Variants in SLC1A1 observed in about 807,000 individuals in gnomAD.
SLC1A1 encodes the protein excitatory amino acid transporter 3.
A neutral mutation model predicts 53.3 loss-of-function variants in SLC1A1; 43 were observed. The observed-to-expected ratio is 0.81, with a 90% CI of 0.63 to 1.04. The LOEUF (loss-of-function observed/expected upper bound fraction) is 1.04. Ranked by LOEUF, SLC1A1 falls within the 50% of genes least tolerant of loss-of-function variation. SLC1A1 has a pLI of 0.00. For synonymous variants in SLC1A1, 307 were observed against 243.2 expected, an observed-to-expected ratio of 1.26 and a Z score of -2.44; for missense variants, 748 against 664.9, an observed-to-expected ratio of 1.12 and a Z score of -1.37.
chr9:4,490,653 G>A lies in SLC1A1; in HGVS notation c.-27G>A. On this transcript the variant is annotated 5_prime_UTR_variant, in exon 1 of 12. Coordinates refer to ENST00000262352, the MANE Select transcript of SLC1A1 (RefSeq NM_004170.6). Reference sequence around the variant, plus strand: ...GCCCAGCCCACGCGCGCACGGCCGAGCCCAGCGCACAATAGCGGCGACAGC... The same window carrying A: ...GCCCAGCCCACGCGCGCACGGCCGAACCCAGCGCACAATAGCGGCGACAGC... 1 of 1,604,180 alleles carries A rather than the reference G, an allele frequency of 6.2e-7. No homozygotes were observed. Among genetic ancestry groups the A allele is most frequent in the South Asian group, 1.1e-5 (1 of 90,706 alleles).
intron 1 of SLC1A1, among the ~76,000 whole-genome samples, chr9:4,530,459 G>A (rs1448806939): frequency 6.6e-6 from 1 of 152,176 alleles, no homozygotes; most frequent in Admixed American, 6.5e-5. Context: ...AGAGATGCTG[G>A]TTTAACACAG....
chr9:4,580,337 T>G (rs1820940277), intron 10 of SLC1A1, among the ~76,000 whole-genome samples: 1 of 152,138 alleles, frequency 6.6e-6, no homozygotes, highest in African/African-American at 2.4e-5. Flanking sequence ...TATCAGCACT[T>G]TAAGAGGCCA....
chr9:4,564,539 T>C lies in SLC1A1; in HGVS notation c.440+81T>C, dbSNP rs950044922. On this transcript the variant is annotated intron_variant, in intron 4 of 11. Transcript: ENST00000262352. ...TTGTATGTGGTTTAATATTCTGCTGTTACTGTATTGAAATTTTTAATAACT... is the reference window on the plus strand; with the variant it reads ...TTGTATGTGGTTTAATATTCTGCTGCTACTGTATTGAAATTTTTAATAACT... 4.5e-4 allele frequency: 375 copies of C among 839,136 alleles called. 4 individuals carry two copies. The highest frequency in any genetic ancestry group is 1.4e-5 in the Non-Finnish European group (7 of 495,024). The allele number at this position is 839,136 out of a possible 1,614,324, so 52.0% of individuals were successfully genotyped here.
chr9:4,524,550 G>A (rs1351094065), intron 1 of SLC1A1, among the ~76,000 whole-genome samples: 1 of 152,144 alleles, frequency 6.6e-6, no homozygotes, highest in African/African-American at 2.4e-5. Context: ...TAGAAGACCT[G>A]AGACTGGGTA....
At chr9:4,499,511 T>C (rs929084444) in intron 1 of SLC1A1, among the ~76,000 whole-genome samples, 12 of 152,336 alleles carry the variant, frequency 7.9e-5, no homozygotes, top group African/African-American at 2.9e-4. Flanking sequence ...AGAATCAGAT[T>C]TGAAGCATCA....
rs1182659537 is a variant in SLC1A1, at chr9:4,561,499, G to A, written c.283G>A (p.Val95Ile). The change falls in exon 3 of 12, where the codon GTC (valine) becomes ATC (isoleucine). Residue 95 changes from valine (V) to isoleucine (I), a missense_variant. By Grantham distance (29) the Val-to-Ile change is conservative. Transcript: ENST00000262352. The part of the protein sequence containing the change: ...NVSGKIGLRA[V>I]VYYFCTTLIA... The stretch of plus-strand genomic sequence containing the variant: ...ATCCGGAAAAATTGGTCTGCGCGCT[G>A]TCGTGTATTATTTCTGTACCACTCT... 8 of 1,609,892 alleles carry A rather than the reference G, an allele frequency of 5.0e-6. No homozygotes were observed. The highest frequency in any genetic ancestry group is 1.3e-5 in the African/African-American group (1 of 74,834).
chr9:4,515,237 C>A (rs904464700), intron 1 of SLC1A1, among the ~76,000 whole-genome samples: 1 of 152,166 alleles, frequency 6.6e-6, no homozygotes, highest in African/African-American at 2.4e-5. Context: ...AGCCTCACTA[C>A]TGCTGCATTT....
chr9:4,532,232 G>A (rs1343630011), intron 1 of SLC1A1, among the ~76,000 whole-genome samples: 1 of 152,142 alleles, frequency 6.6e-6, no homozygotes, highest in African/African-American at 2.4e-5. Flanking sequence ...GACGAGTTGA[G>A]AGAAGAAGGC....
intron 1 of SLC1A1, among the ~76,000 whole-genome samples, chr9:4,507,289 T>G (rs1586695840): frequency 1.3e-5 from 2 of 152,014 alleles, no homozygotes; most frequent in African/African-American, 4.8e-5. Flanking sequence ...CAAGTGTTAC[T>G]GTGCAAAGAT....
chr9:4,509,974 C>T (rs914397672), intron 1 of SLC1A1, among the ~76,000 whole-genome samples: 5 of 152,180 alleles, frequency 3.3e-5, no homozygotes, highest in African/African-American at 1.2e-4. Context: ...GCTGGGATTA[C>T]AGGCATGTGC....
chr9:4,533,761 A>C (rs1816566536), intron 1 of SLC1A1, among the ~76,000 whole-genome samples: 1 of 152,148 alleles, frequency 6.6e-6, no homozygotes, highest in Non-Finnish European at 1.5e-5. Context: ...CAGAATATAC[A>C]TTCTTCTCAG....
Position 4,490,646 on chromosome 9 carries a change from C to A in SLC1A1, c.-34C>A. On this transcript the variant is annotated 5_prime_UTR_variant, in exon 1 of 12. Transcript: ENST00000262352. ...CCGGGTCGCCCAGCCCACGCGCGCACGGCCGAGCCCAGCGCACAATAGCGG... is the reference window on the plus strand; with the variant it reads ...CCGGGTCGCCCAGCCCACGCGCGCAAGGCCGAGCCCAGCGCACAATAGCGG... 2.5e-6 allele frequency: 4 copies of A among 1,586,072 alleles called. No individual in the cohort carries two copies. Among genetic ancestry groups the A allele is most frequent in the Non-Finnish European group, 3.5e-6 (4 of 1,156,914 alleles).
At chr9:4,537,873 A>C (rs1816737995) in intron 1 of SLC1A1, among the ~76,000 whole-genome samples, 1 of 152,186 alleles carries the variant, frequency 6.6e-6, no homozygotes. Flanking sequence ...TTGTATGTTA[A>C]AAACCATGGA....
intron 4 of SLC1A1, 74 bp from the exon 5 acceptor site, chr9:4,565,973 T>C: frequency 9.0e-7 from 1 of 1,110,674 alleles, no homozygotes; most frequent in Admixed American, 1.7e-5. Flanking sequence ...TATACTAATT[T>C]CTACCAATAT....
At chr9:4,503,116 C>A (rs1187076817) in intron 1 of SLC1A1, among the ~76,000 whole-genome samples, 2 of 151,764 alleles carry the variant, frequency 1.3e-5, no homozygotes, top group African/African-American at 2.4e-5. Flanking sequence ...ACATTCTTAA[C>A]CCTTGATTTA....
rs775025071 is a variant in SLC1A1 at position 4,490,705 on chromosome 9, G to A, written c.26G>A (p.Cys9Tyr). The A allele has an allele frequency of 6.2e-7, 1 of 1,612,868 alleles. No homozygotes were observed. Among genetic ancestry groups the A allele is most frequent in the South Asian group, 1.1e-5 (1 of 91,054 alleles). Residue 9 changes from cysteine (C) to tyrosine (Y), a missense_variant, in exon 1 of 12, where the codon TGC becomes TAC. By Grantham distance (194) the Cys-to-Tyr change is radical. Coordinates refer to ENST00000262352, the MANE Select transcript of SLC1A1 (RefSeq NM_004170.6). ...ATGGGGAAACCGGCGAGGAAAGGAT[G>A]CGAGTGGAAGCGCTTCCTGAAGAAT... is the stretch of plus-strand genomic sequence containing the variant. MGKPARKG[C>Y]EWKRFLKNNW...
rs1423934403 is a variant in SLC1A1, at chr9:4,572,259, TG to T, written c.641del (p.Gly214AlafsTer2). On this transcript the variant is annotated frameshift_variant, in exon 7 of 12. Transcript: ENST00000262352. LOFTEE classifies it high-confidence loss of function. ...VGMYSDGINVLGLIVFCLVFG... is the reference protein window; with the variant it reads ...VGMYSDGINVXGLIVFCLVFG... The stretch of plus-strand genomic sequence containing the variant: ...ATGTATTCAGATGGCATAAACGTCC[TG>T]GGCTTGATTGTCTTTTGCCTTGTCT... The T allele has an allele frequency of 2.5e-6, 4 of 1,614,204 alleles. No homozygotes were observed. Among genetic ancestry groups the T allele is most frequent in the Non-Finnish European group, 3.4e-6 (4 of 1,180,010 alleles).
At chr9:4,580,811 G>A (rs567336905) in intron 10 of SLC1A1, among the ~76,000 whole-genome samples, 2 of 152,154 alleles carry the variant, frequency 1.3e-5, no homozygotes, top group African/African-American at 2.4e-5. Context: ...TGGCAGCAGC[G>A]ACAGCAGCAA....
intron 2 of SLC1A1, among the ~76,000 whole-genome samples, chr9:4,561,219 T>A (rs1325777238): frequency 6.6e-6 from 1 of 152,146 alleles, no homozygotes; most frequent in African/African-American, 2.4e-5. Flanking sequence ...CTCCTGGAGG[T>A]GAAGGCTGTG....
Sources: allele counts gnomAD v4.1 joint callset (sites outside exome capture counted in the v4.1 genomes callset), GRCh38; gene constraint gnomAD v4.1.1; transcripts MANE v1.5; gene names NCBI Gene and HGNC (gene_info 2026-07-23, HGNC 2026-07-21).